Variants in SDCCAG8 observed in about 807,000 individuals in gnomAD.
SDCCAG8 encodes the protein serologically defined colon cancer antigen 8.
A neutral mutation model predicts 101.8 loss-of-function variants in SDCCAG8; 74 were observed. The observed-to-expected ratio is 0.73, with a 90% confidence interval of 0.60 to 0.88. The LOEUF (loss-of-function observed/expected upper bound fraction) is 0.88, where lower values mean the gene tolerates loss of function less well. Among genes scored for constraint, SDCCAG8 ranks in the 40% least tolerant of loss-of-function variants. The pLI, the probability that SDCCAG8 is intolerant of heterozygous loss-of-function variation, is 0.00. For synonymous variants in SDCCAG8, 281 were observed against 292.9 expected (o/e 0.96, Z 0.41); for missense variants, 787 against 822.6 (o/e 0.96, Z 0.53).
At chr1:243,421,464 G>A (rs1409446616) in intron 15 of SDCCAG8, among the ~76,000 whole-genome samples, 1 of 152,170 alleles carries the variant, frequency 6.6e-6, no homozygotes, top group African/African-American at 2.4e-5. Context: ...TCTGTTGTAT[G>A]TGTTTTCTCC....
At chr1:243,493,548 G>A (rs927220438) in intron 17 of SDCCAG8, among the ~76,000 whole-genome samples, 1 of 152,006 alleles carries the variant, frequency 6.6e-6, no homozygotes, top group Non-Finnish European at 1.5e-5. Flanking sequence ...TCCTGAGCAG[G>A]CTGCTTGGTT....
intron 11 of SDCCAG8, among the ~76,000 whole-genome samples, chr1:243,343,351 C>G (rs2075498207): frequency 6.6e-6 from 1 of 152,106 alleles, no homozygotes; most frequent in South Asian, 2.1e-4. Context: ...GTTCTCAGTT[C>G]TCTCAAAAGG....
intron 5 of SDCCAG8, among the ~76,000 whole-genome samples, chr1:243,291,093 G>A (rs1277884292): frequency 2.6e-5 from 4 of 152,164 alleles, no homozygotes; most frequent in Non-Finnish European, 4.4e-5. Flanking sequence ...TACCACGTTC[G>A]AGCATGATGC....
chr1:243,401,770 C>A (rs555274449), intron 13 of SDCCAG8, among the ~76,000 whole-genome samples: 87 of 151,370 alleles, frequency 5.7e-4, no homozygotes, highest in African/African-American at 2.0e-3. Context: ...TTTTGGTATA[C>A]TATGGTGACT....
intron 10 of SDCCAG8, among the ~76,000 whole-genome samples, chr1:243,334,574 C>G (rs1316699516): frequency 6.6e-6 from 1 of 152,002 alleles, no homozygotes; most frequent in Non-Finnish European, 1.5e-5. Context: ...TTAACTGATT[C>G]TTCAGAGTTG....
chr1:243,484,959 T>C (rs1558534388), intron 16 of SDCCAG8, among the ~76,000 whole-genome samples: 1 of 151,662 alleles, frequency 6.6e-6, no homozygotes, highest in Non-Finnish European at 1.5e-5. Flanking sequence ...CAGGAGAATT[T>C]CTTGAACCCA....
At chr1:243,294,173 C>T (rs1199168506) in intron 6 of SDCCAG8, among the ~76,000 whole-genome samples, 1 of 152,116 alleles carries the variant, frequency 6.6e-6, no homozygotes, top group African/African-American at 2.4e-5. Flanking sequence ...GCATGTTTTC[C>T]TGTTTCCTTG....
rs560788630 is a variant in SDCCAG8 at position 243,348,419 on chromosome 1, C to T, written c.1473+4088C>T. On this transcript the variant is annotated intron_variant, in intron 12 of 17. Transcript: ENST00000366541. ...GGATGGGCACACTTGACTCAATCCTCTCTAAACACACATTCAGGATTCTGC... is the reference window on the plus strand; with the variant it reads ...GGATGGGCACACTTGACTCAATCCTTTCTAAACACACATTCAGGATTCTGC... Among the ~76,000 whole-genome samples, 34 of 151,986 alleles carry T rather than the reference C, an allele frequency of 2.2e-4. No individual in the cohort carries two copies. In the South Asian group the frequency reaches 7.1e-3, roughly 32 times the overall value.
chr1:243,366,471 A>G (rs1298112875), intron 12 of SDCCAG8, among the ~76,000 whole-genome samples: 1 of 152,008 alleles, frequency 6.6e-6, no homozygotes, highest in Non-Finnish European at 1.5e-5. Context: ...AGTAATTAAT[A>G]ACTTTAATGT....
chr1:243,402,312 C>A (rs537032486), intron 13 of SDCCAG8, among the ~76,000 whole-genome samples: 1 of 151,456 alleles, frequency 6.6e-6, no homozygotes, highest in East Asian at 1.9e-4. Context: ...CACCTGTAGT[C>A]ACAGCTGCTC....
At chr1:243,299,476 T>C (rs1445420906) in intron 6 of SDCCAG8, among the ~76,000 whole-genome samples, 1 of 152,134 alleles carries the variant, frequency 6.6e-6, no homozygotes, top group Non-Finnish European at 1.5e-5. Context: ...TGCAATGGCA[T>C]GATCTTGGCT....
rs368583241 is a variant in SDCCAG8 at position 243,489,136 on chromosome 1, C to T, written c.2108C>T (p.Thr703Ile). ...SLSEEVDRLR[T>I]QLPSMPQSDC The stretch of plus-strand genomic sequence containing the variant: ...TCGGAAGAGGTGGACCGGCTGCGGA[C>T]CCAGGTACTGTGCAGAACGCGGCGC... The change falls in exon 17 of 18, where the codon ACC becomes ATC. Residue 703 changes from threonine to isoleucine, a missense_variant. Transcript: ENST00000366541. 6 of 1,612,226 alleles carry T rather than the reference C, an allele frequency of 3.7e-6. No individual in the cohort carries two copies. Among genetic ancestry groups the T allele is most frequent in the Non-Finnish European group, 5.1e-6 (6 of 1,179,840 alleles).
chr1:243,338,122 A>T lies in SDCCAG8; in HGVS notation c.1222-2917A>T, dbSNP rs372072812. 1.4e-4 allele frequency among the ~76,000 whole-genome samples: 21 copies of T among 151,602 alleles called. No individual in the cohort carries two copies. The East Asian group carries it at 1.9e-3, about 14-fold the overall frequency. ...AAAATTGTAGAATTGGGGTCTCATT[A>T]TGTTGCCCAGGCTGGTCTTGAACTC... On this transcript the variant is annotated intron_variant, in intron 10 of 17. Transcript: ENST00000366541.
intron 9 of SDCCAG8, among the ~76,000 whole-genome samples, chr1:243,326,128 T>C (rs2149343619): frequency 6.6e-6 from 1 of 152,326 alleles, no homozygotes; most frequent in East Asian, 1.9e-4. Context: ...AAAAATTTTC[T>C]TTTTTACTCA....
chr1:243,440,791 C>T (rs2082481777), intron 16 of SDCCAG8, among the ~76,000 whole-genome samples: 1 of 152,100 alleles, frequency 6.6e-6, no homozygotes, highest in Admixed American at 6.5e-5. Context: ...AGAGTGTTTT[C>T]CTTTGTTGAG....
chr1:243,418,337 G>T (rs1289598731), intron 15 of SDCCAG8, among the ~76,000 whole-genome samples: 2 of 152,094 alleles, frequency 1.3e-5, no homozygotes, highest in Admixed American at 6.5e-5. Context: ...CAGGAAAGAA[G>T]GATCAATATG....
At chr1:243,344,174 G>T in intron 11 of SDCCAG8, 41 bp from the exon 12 acceptor site, 2 of 1,526,976 alleles carry the variant, frequency 1.3e-6, no homozygotes, top group Non-Finnish European at 1.8e-6. Flanking sequence ...TTGCCTGGTA[G>T]ATTCCAGCAG....
intron 6 of SDCCAG8, among the ~76,000 whole-genome samples, chr1:243,300,591 C>T (rs6658460): frequency 0.01 from 1,577 of 152,228 alleles, 21 homozygotes; most frequent in South Asian, 0.045. Context: ...CTATTTTGCC[C>T]ATCTCCAATC....
intron 1 of SDCCAG8, among the ~76,000 whole-genome samples, chr1:243,266,786 A>AAAAAAAG (rs1469315424): frequency 2.7e-4 from 37 of 137,212 alleles, no homozygotes; most frequent in East Asian, 9.8e-4. Context: ...CAAAAAAAAA[A>AAAAAAAG]AAAGAAATTA....
Sources: allele counts gnomAD v4.1 joint callset (sites outside exome capture counted in the v4.1 genomes callset), GRCh38; gene constraint gnomAD v4.1.1; transcripts MANE v1.5; gene names NCBI Gene and HGNC (gene_info 2026-07-23, HGNC 2026-07-21).